Variants in INPP4B observed in about 807,000 individuals in gnomAD.
INPP4B encodes the protein inositol polyphosphate 4-phosphatase type II.
In INPP4B, 55 loss-of-function variants were observed where a neutral mutation model predicts 122.5. The ratio of observed to expected loss-of-function variants is 0.45; its 90% CI spans 0.36 to 0.56. The LOEUF is 0.56. Ranked by LOEUF, INPP4B falls within the 20% of genes least tolerant of loss-of-function variation. The pLI, the probability that INPP4B is intolerant of heterozygous loss-of-function variation, is 0.00. For missense variants in INPP4B, 1,000 were observed against 1,097.7 expected, an observed-to-expected ratio of 0.91 and a Z score of 1.26; for synonymous variants, 403 against 388.7, an observed-to-expected ratio of 1.04 and a Z score of -0.43.
At chr4:142,604,490 C>T (rs1317822812) in intron 2 of INPP4B, among the ~76,000 whole-genome samples, 4 of 152,024 alleles carry the variant, frequency 2.6e-5, no homozygotes, top group Non-Finnish European at 2.9e-5. Context: ...AAGACTCCAA[C>T]AGAAAACTCC....
intron 7 of INPP4B, among the ~76,000 whole-genome samples, chr4:142,326,090 A>T (rs1386075667): frequency 6.6e-6 from 1 of 152,220 alleles, no homozygotes; most frequent in Non-Finnish European, 1.5e-5. Context: ...TCTAAAACAT[A>T]AGAGATTCTG....
chr4:142,234,763 A>G (rs954712334), intron 12 of INPP4B, among the ~76,000 whole-genome samples: 2 of 152,174 alleles, frequency 1.3e-5, no homozygotes, highest in African/African-American at 4.8e-5. Context: ...GAACAATTCC[A>G]GTTTCTAATT....
chr4:142,182,845 C>T (rs1831503211), intron 15 of INPP4B, among the ~76,000 whole-genome samples: 1 of 152,056 alleles, frequency 6.6e-6, no homozygotes, highest in South Asian at 2.1e-4. Context: ...CTTCAACTCC[C>T]CAGGTACCTG....
chr4:142,298,545 C>T (rs760133286), intron 9 of INPP4B, among the ~76,000 whole-genome samples: 1 of 151,708 alleles, frequency 6.6e-6, no homozygotes, highest in Non-Finnish European at 1.5e-5. Flanking sequence ...ATTAGCCAGG[C>T]ATGATGGTGG....
intron 25 of INPP4B, among the ~76,000 whole-genome samples, chr4:142,057,776 C>T (rs1003531925): frequency 3.9e-5 from 6 of 152,088 alleles, no homozygotes; most frequent in African/African-American, 9.7e-5. Flanking sequence ...TTGTGTAGTG[C>T]CCATTCTGCT....
chr4:142,311,496 G>A (rs762483219), intron 8 of INPP4B, among the ~76,000 whole-genome samples: 4 of 152,120 alleles, frequency 2.6e-5, no homozygotes, highest in Non-Finnish European at 5.9e-5. Flanking sequence ...AAATCATGGT[G>A]TGCTTTTTGA....
intron 2 of INPP4B, among the ~76,000 whole-genome samples, chr4:142,584,118 G>A (rs2150214890): frequency 6.6e-6 from 1 of 152,026 alleles, no homozygotes; most frequent in Non-Finnish European, 1.5e-5. Context: ...TAAAGGAAAA[G>A]AGAATATGAG....
intron 1 of INPP4B, among the ~76,000 whole-genome samples, chr4:142,803,190 AG>A (rs200505954): frequency 0.2 from 27,163 of 137,356 alleles, 2,771 homozygotes; most frequent in South Asian, 0.24. Flanking sequence ...AAAAAAAGAA[AG>A]AAAGAAAGAA....
At chr4:142,263,639 AATATAT>A (rs36227189) in intron 10 of INPP4B, among the ~76,000 whole-genome samples, 452 of 41,826 alleles carry the variant, frequency 0.011, 9 homozygotes, top group East Asian at 0.028. Flanking sequence ...AAATTCGTAA[AATATAT>A]ATATATATAT....
At chr4:142,058,009 G>T (rs1030179114) in intron 25 of INPP4B, among the ~76,000 whole-genome samples, 1 of 151,924 alleles carries the variant, frequency 6.6e-6, no homozygotes, top group African/African-American at 2.4e-5. Flanking sequence ...TGTATTTCTT[G>T]CCTCCCCTAC....
intron 1 of INPP4B, among the ~76,000 whole-genome samples, chr4:142,835,660 T>C (rs1354331515): frequency 6.6e-6 from 1 of 152,214 alleles, no homozygotes; most frequent in Non-Finnish European, 1.5e-5. Context: ...CACTGAGCAA[T>C]GTTTGCTGCA....
intron 2 of INPP4B, among the ~76,000 whole-genome samples, chr4:142,681,575 G>A (rs768638604): frequency 3.3e-5 from 5 of 151,808 alleles, no homozygotes; most frequent in African/African-American, 4.8e-5. Flanking sequence ...TGGAGTGAGA[G>A]AGAGCATGAT....
intron 8 of INPP4B, chr4:142,306,018 C>A: frequency 1.4e-6 from 1 of 710,726 alleles, no homozygotes; most frequent in Non-Finnish European, 1.7e-6. Context: ...TTATATTTTT[C>A]CCCCATCACA....
chr4:142,184,631 T>C (rs997766521), intron 15 of INPP4B, among the ~76,000 whole-genome samples: 3 of 152,198 alleles, frequency 2.0e-5, no homozygotes, highest in Non-Finnish European at 4.4e-5. Flanking sequence ...GATACTGTGG[T>C]AAACTGGACA....
At chr4:142,737,066 C>T (rs1399918976) in intron 1 of INPP4B, among the ~76,000 whole-genome samples, 5 of 152,136 alleles carry the variant, frequency 3.3e-5, no homozygotes. Flanking sequence ...AGTGCCATCC[C>T]CATCAAGCTA....
At chr4:142,180,381 A>T (rs1282541601) in intron 15 of INPP4B, among the ~76,000 whole-genome samples, 1 of 152,182 alleles carries the variant, frequency 6.6e-6, no homozygotes, top group Non-Finnish European at 1.5e-5. Flanking sequence ...GTTAAATCTG[A>T]CAATACTTTA....
At chr4:142,498,342 T>C (rs969201518) in intron 2 of INPP4B, among the ~76,000 whole-genome samples, 27 of 151,638 alleles carry the variant, frequency 1.8e-4, no homozygotes, top group African/African-American at 6.5e-4. Flanking sequence ...CCATAATTCC[T>C]CTAACAGGTA....
rs1380568877 is a variant in INPP4B, at chr4:142,027,793, G to A, written c.*989C>T. The A allele has an allele frequency of 6.2e-6, 1 of 161,962 alleles. No individual in the cohort carries two copies. The highest frequency in any genetic ancestry group is 1.4e-5 in the Non-Finnish European group (1 of 73,762). The allele number at this position is 161,962 out of a possible 1,614,324, so 10.0% of individuals were successfully genotyped here. On this transcript the variant is annotated 3_prime_UTR_variant, in exon 26 of 26. Coordinates refer to ENST00000262992, the MANE Select transcript of INPP4B (RefSeq NM_001101669.3). The stretch of plus-strand genomic sequence containing the variant: ...GCTGAGTAAGGGCAAGGGCAAGTTT[G>A]ATATTCAGGGCAACAGAAAATAATT...
At chr4:142,759,959 G>A (rs1412429763) in intron 1 of INPP4B, among the ~76,000 whole-genome samples, 3 of 151,758 alleles carry the variant, frequency 2.0e-5, no homozygotes, top group Non-Finnish European at 2.9e-5. Context: ...GAGAAAAGGG[G>A]GGCTTTTTCC....
Sources: gnomAD v4.1 joint callset for allele counts (sites outside exome capture counted in the v4.1 genomes callset) on GRCh38, gnomAD v4.1.1 for gene constraint, MANE v1.5 for transcripts, NCBI Gene and HGNC (gene_info 2026-07-23, HGNC 2026-07-21) for gene names.